FANCL: variants seen among roughly 807,000 people sequenced by gnomAD.
The protein encoded by FANCL is FA complementation group L.
A neutral mutation model predicts 59.4 loss-of-function variants in FANCL; 69 were observed. The ratio of observed to expected loss-of-function variants is 1.16; its 90% confidence interval spans 0.96 to 1.42. FANCL has a LOEUF of 1.42. Ranked by LOEUF, FANCL falls within the 40% of genes most tolerant of loss-of-function variation. FANCL has a pLI of 0.00. For missense variants in FANCL, 519 were observed against 447.2 expected (o/e 1.16, Z -1.45); for synonymous variants, 180 against 147.1 (o/e 1.22, Z -1.62).
At chr2:58,172,247 G>C (rs1329715110) in intron 7 of FANCL, among the ~76,000 whole-genome samples, 2 of 152,228 alleles carry the variant, frequency 1.3e-5, no homozygotes, top group Non-Finnish European at 2.9e-5. Flanking sequence ...GAAGAGAGCA[G>C]TGGTTCTCTC....
Position 58,159,290 on chromosome 2 carries a change from A to G in FANCL, c.*475T>C. 1 of 1,352,320 alleles carries G rather than the reference A, an allele frequency of 7.4e-7. No individual in the cohort carries two copies. Among genetic ancestry groups the G allele is most frequent in the Non-Finnish European group, 1.0e-6 (1 of 984,668 alleles). 83.8% of individuals were successfully genotyped at this position (1,352,320 alleles called of 1,614,324 possible). Reference sequence around the variant, plus strand: ...TTAGCATTCTTACACACTACACAAAATAAATACTTGGATAACTCACGTCTA... The same window carrying G: ...TTAGCATTCTTACACACTACACAAAGTAAATACTTGGATAACTCACGTCTA... On this transcript the variant is annotated 3_prime_UTR_variant, in exon 14 of 14. Coordinates refer to ENST00000233741, the MANE Select transcript of FANCL (RefSeq NM_018062.4).
intron 7 of FANCL, among the ~76,000 whole-genome samples, chr2:58,169,254 C>T (rs888260022): frequency 2.6e-5 from 4 of 152,156 alleles, no homozygotes; most frequent in African/African-American, 9.7e-5. Context: ...ACTGGTGATA[C>T]CCAGGCAAAC....
chr2:58,241,234 C>G lies in FANCL; in HGVS notation c.80G>C (p.Gly27Ala). Residue 27 changes from glycine (G) to alanine (A), a missense_variant, in exon 1 of 14, where the codon GGA (glycine) becomes GCA (alanine). By Grantham distance (60) the Gly-to-Ala change is moderately conservative. Coordinates refer to ENST00000233741, the MANE Select transcript of FANCL (RefSeq NM_018062.4). ...PQNRSKTVYE[G>A]FISAQGRDFH... Reference sequence around the variant, plus strand: ...GGCGGGTACCTGAGCCGAGATGAATCCCTCATACACGGTTTTCGACCGGTT... The same window carrying G: ...GGCGGGTACCTGAGCCGAGATGAATGCCTCATACACGGTTTTCGACCGGTT... 1 of 1,614,262 alleles carries G rather than the reference C, an allele frequency of 6.2e-7. No individual in the cohort carries two copies.
chr2:58,205,092 CA>C (rs1690454900), intron 5 of FANCL, among the ~76,000 whole-genome samples: 1 of 151,980 alleles, frequency 6.6e-6, no homozygotes, highest in African/African-American at 2.4e-5. Flanking sequence ...AAGAGTATTG[CA>C]AAACTTATCA....
intron 12 of FANCL, among the ~76,000 whole-genome samples, chr2:58,160,892 C>G (rs987261691): frequency 6.6e-6 from 1 of 151,916 alleles, no homozygotes; most frequent in African/African-American, 2.4e-5. Flanking sequence ...AGGCAACATA[C>G]AATTGCAAGG....
At chr2:58,170,063 C>T (rs1686409146) in intron 7 of FANCL, among the ~76,000 whole-genome samples, 1 of 152,218 alleles carries the variant, frequency 6.6e-6, no homozygotes, top group East Asian at 1.9e-4. Context: ...TCCAGAACAG[C>T]AACCACAAGA....
intron 7 of FANCL, among the ~76,000 whole-genome samples, chr2:58,197,584 T>A (rs747210328): frequency 6.6e-6 from 1 of 152,190 alleles, no homozygotes; most frequent in East Asian, 1.9e-4. Context: ...TACCACCTTA[T>A]ATCTATGTTA....
At chr2:58,179,787 C>A (rs1221632431) in intron 7 of FANCL, among the ~76,000 whole-genome samples, 1 of 152,084 alleles carries the variant, frequency 6.6e-6, no homozygotes, top group Non-Finnish European at 1.5e-5. Flanking sequence ...TTAGAGTGAA[C>A]AGGCAATCTA....
At chr2:58,224,776 C>CA (rs1405817163) in intron 4 of FANCL, among the ~76,000 whole-genome samples, 3 of 151,772 alleles carry the variant, frequency 2.0e-5, no homozygotes, top group Non-Finnish European at 4.4e-5. Context: ...ATGATGTTAA[C>CA]ATTAGAAAAC....
chr2:58,198,511 T>G, intron 7 of FANCL, 83 bp downstream of exon 7: 1 of 1,174,354 alleles, frequency 8.5e-7, no homozygotes, highest in Non-Finnish European at 1.3e-6. Flanking sequence ...GCCCAAGAAA[T>G]AATCCCCCCA....
intron 7 of FANCL, among the ~76,000 whole-genome samples, chr2:58,185,179 GAATT>G (rs1462250381): frequency 6.6e-6 from 1 of 151,930 alleles, no homozygotes; most frequent in Non-Finnish European, 1.5e-5. Flanking sequence ...TAAAAAAAAA[GAATT>G]AATCTTAAGG....
rs1263401339 is a variant in FANCL at position 58,165,926 on chromosome 2, GATA to G, written c.541-55_541-53del. On this transcript the variant is annotated intron_variant, in intron 7 of 13. Coordinates refer to ENST00000233741, the MANE Select transcript of FANCL (RefSeq NM_018062.4). ...GTTATATGGTACTCTACCAATAGCA[GATA>G]ATCTTTTACTTAAAATACACTCAAT... 19 of 1,567,286 alleles carry G rather than the reference GATA, an allele frequency of 1.2e-5. No individual in the cohort carries two copies. The African/African-American group carries it at 2.2e-4, about 18-fold the overall frequency.
intron 5 of FANCL, among the ~76,000 whole-genome samples, chr2:58,207,096 C>T (rs760540055): frequency 5.3e-5 from 8 of 152,136 alleles, no homozygotes; most frequent in Non-Finnish European, 7.4e-5. Flanking sequence ...CATATAACTA[C>T]ATTTTGGCCA....
At chr2:58,216,455 C>G (rs2105239582) in intron 5 of FANCL, among the ~76,000 whole-genome samples, 1 of 152,252 alleles carries the variant, frequency 6.6e-6, no homozygotes, top group Middle Eastern at 3.4e-3. Context: ...AAAAGGTACA[C>G]TAACTAGTAT....
intron 4 of FANCL, among the ~76,000 whole-genome samples, chr2:58,225,687 G>T (rs1219233370): frequency 6.6e-6 from 1 of 151,978 alleles, no homozygotes; most frequent in East Asian, 1.9e-4. Flanking sequence ...GAAGCCTCTA[G>T]ATCTAACTGC....
intron 7 of FANCL, among the ~76,000 whole-genome samples, chr2:58,179,520 C>T (rs572738548): frequency 8.0e-4 from 122 of 152,282 alleles, no homozygotes; most frequent in African/African-American, 2.7e-3. Flanking sequence ...GTTGGGAAAA[C>T]TGGCTAGCCA....
chr2:58,228,472 T>C (rs1046586733), intron 3 of FANCL, among the ~76,000 whole-genome samples: 1 of 152,190 alleles, frequency 6.6e-6, no homozygotes, highest in Non-Finnish European at 1.5e-5. Flanking sequence ...GAAACTAAAG[T>C]CCAGAGGCCA....
intron 7 of FANCL, among the ~76,000 whole-genome samples, chr2:58,179,981 T>A (rs1383486488): frequency 6.6e-6 from 1 of 152,166 alleles, no homozygotes; most frequent in Non-Finnish European, 1.5e-5. Context: ...AAGCTCATCA[T>A]CACTGGTCAT....
intron 3 of FANCL, 55 bp downstream of exon 3, chr2:58,229,759 A>C (rs1182771278): frequency 2.3e-6 from 3 of 1,306,434 alleles, no homozygotes; most frequent in Non-Finnish European, 3.3e-6. Context: ...AAGAACAATA[A>C]ATTTAGTAAT....
Sources: allele counts gnomAD v4.1 joint callset (sites outside exome capture counted in the v4.1 genomes callset), GRCh38; gene constraint gnomAD v4.1.1; transcripts MANE v1.5; gene names NCBI Gene and HGNC (gene_info 2026-07-23, HGNC 2026-07-21).